The following BACH2 variants were observed in gnomAD, a reference collection of about 807,000 sequenced individuals.
BACH2 encodes the protein BACH transcriptional regulator 2.
Under a neutral mutation model 61.8 loss-of-function variants are expected in BACH2, and 5 were observed. The ratio of observed to expected loss-of-function variants is 0.08; its 90% CI spans 0.04 to 0.17. The LOEUF (loss-of-function observed/expected upper bound fraction) is 0.17, where lower values mean the gene tolerates loss of function less well. BACH2 is among the 10% of genes least tolerant of loss of function. The probability of loss-of-function intolerance (pLI) is 1.00; values close to 1 mark genes in which losing one functional copy is unlikely to be tolerated. For synonymous variants in BACH2, 446 were observed against 440.1 expected (o/e 1.01, Z -0.17); for missense variants, 824 against 1,091.1 (o/e 0.76, Z 3.45).
intron 5 of BACH2, among the ~76,000 whole-genome samples, chr6:90,069,311 A>G (rs1007965764): frequency 2.0e-5 from 3 of 152,226 alleles, no homozygotes; most frequent in African/African-American, 7.2e-5. Flanking sequence ...TCAGTAAAAC[A>G]GTTGAAATTT....
At chr6:89,975,492 C>A (rs1182357768) in intron 6 of BACH2, among the ~76,000 whole-genome samples, 1 of 152,204 alleles carries the variant, frequency 6.6e-6, no homozygotes, top group African/African-American at 2.4e-5. Flanking sequence ...CAGACTCTCA[C>A]ATCTTTGCAA....
chr6:90,118,713 A>G (rs911866085), intron 4 of BACH2, among the ~76,000 whole-genome samples: 5 of 152,194 alleles, frequency 3.3e-5, no homozygotes, highest in Admixed American at 1.3e-4. Flanking sequence ...TATTAAGCCA[A>G]CAGGGTCATT....
intron 5 of BACH2, among the ~76,000 whole-genome samples, chr6:90,010,684 G>T (rs2127781387): frequency 6.6e-6 from 1 of 152,284 alleles, no homozygotes; most frequent in Admixed American, 6.5e-5. Flanking sequence ...TTCTAAAGTG[G>T]CTGTAACATT....
Position 89,932,743 on chromosome 6 carries a change from G to A in BACH2, c.2191C>T (p.Pro731Ser), listed in dbSNP as rs147787294. ...GGCAAGTCCATGGGTCTGAGGACAGGGCAATACCGATGCAGGGCCTGGATC... is the reference window on the plus strand; with the variant it reads ...GGCAAGTCCATGGGTCTGAGGACAGAGCAATACCGATGCAGGGCCTGGATC... ...EQIQALHRYC[P>S]VLRPMDLPTA... is the part of the protein sequence containing the mutation. The change falls in exon 9 of 9, where the codon CCT (proline) becomes TCT (serine). Residue 731 changes from proline (P) to serine (S), a missense_variant. This residue lies in a region of BACH2 where 160 missense variants were observed against 283.5 expected (regional missense o/e 0.56). Transcript: ENST00000257749. 3.1e-6 allele frequency: 5 copies of A among 1,614,044 alleles called. No homozygotes were observed. Among genetic ancestry groups the A allele is most frequent in the Non-Finnish European group, 3.4e-6 (4 of 1,180,014 alleles).
At chr6:90,083,431 G>C (rs1392524016) in intron 5 of BACH2, among the ~76,000 whole-genome samples, 2 of 152,148 alleles carry the variant, frequency 1.3e-5, no homozygotes, top group East Asian at 3.9e-4. Context: ...AGCAGAGAAT[G>C]AAAATTAATT....
At chr6:89,937,301 C>T (rs762002160) in intron 8 of BACH2, among the ~76,000 whole-genome samples, 90 of 152,150 alleles carry the variant, frequency 5.9e-4, no homozygotes, top group Non-Finnish European at 1.2e-3. Context: ...TGCCAGGAGG[C>T]AGGAGAAAGC....
At chr6:90,059,537 C>G (rs1238325453) in intron 5 of BACH2, among the ~76,000 whole-genome samples, 1 of 152,184 alleles carries the variant, frequency 6.6e-6, no homozygotes, top group African/African-American at 2.4e-5. Context: ...GGACTGTAAA[C>G]TAGTTCAACC....
intron 6 of BACH2, among the ~76,000 whole-genome samples, chr6:89,959,301 A>G (rs1774608973): frequency 6.6e-6 from 1 of 152,172 alleles, no homozygotes; most frequent in African/African-American, 2.4e-5. Flanking sequence ...ATTAGTAAAA[A>G]AAGGAAAATC....
intron 4 of BACH2, among the ~76,000 whole-genome samples, chr6:90,147,771 A>T (rs1172034291): frequency 6.6e-6 from 1 of 152,218 alleles, no homozygotes; most frequent in Non-Finnish European, 1.5e-5. Context: ...TCACAAGTGC[A>T]CAGCTTTTCA....
intron 5 of BACH2, among the ~76,000 whole-genome samples, chr6:90,047,102 G>A (rs1779819345): frequency 6.6e-6 from 1 of 152,118 alleles, no homozygotes; most frequent in Non-Finnish European, 1.5e-5. Context: ...GCTAATTTTT[G>A]TATTTTTAGG....
intron 4 of BACH2, among the ~76,000 whole-genome samples, chr6:90,193,412 T>A (rs6919587): frequency 0.11 from 17,291 of 152,128 alleles, 1,143 homozygotes; most frequent in South Asian, 0.17. Context: ...AAAGGTGACC[T>A]TCTACAAGCC....
At chr6:90,136,408 T>C (rs1042100945) in intron 4 of BACH2, among the ~76,000 whole-genome samples, 2 of 152,228 alleles carry the variant, frequency 1.3e-5, no homozygotes, top group East Asian at 1.9e-4. Flanking sequence ...ACAAATCATT[T>C]AAGTTCTTCT....
At chr6:89,943,980 G>GAACC (rs745367179) in intron 7 of BACH2, among the ~76,000 whole-genome samples, 5 of 152,196 alleles carry the variant, frequency 3.3e-5, no homozygotes, top group Non-Finnish European at 7.3e-5. Flanking sequence ...AGTGCTGCTG[G>GAACC]AACCAGGACA....
chr6:90,275,649 C>T (rs1771667269), intron 1 of BACH2, among the ~76,000 whole-genome samples: 1 of 151,908 alleles, frequency 6.6e-6, no homozygotes, highest in Non-Finnish European at 1.5e-5. Flanking sequence ...TCTTCCCCCT[C>T]CTCCCACTCT....
At chr6:89,975,260 A>T (rs1775589842) in intron 6 of BACH2, among the ~76,000 whole-genome samples, 1 of 152,246 alleles carries the variant, frequency 6.6e-6, no homozygotes, top group South Asian at 2.1e-4. Context: ...ACAGGGATAA[A>T]AATGAATATT....
At chr6:90,226,918 C>T (rs1562515463) in intron 3 of BACH2, among the ~76,000 whole-genome samples, 1 of 152,200 alleles carries the variant, frequency 6.6e-6, no homozygotes, top group Non-Finnish European at 1.5e-5. Context: ...ACATCTTGCA[C>T]TCTCAAAAAG....
At position 89,994,426 on chromosome 6, in the gene BACH2, G is replaced by A. The variant is rs556499922; in HGVS notation, c.243+14176C>T. Among the ~76,000 whole-genome samples, 3 of 152,296 alleles carry A rather than the reference G, an allele frequency of 2.0e-5. No homozygotes were observed. In the South Asian group the frequency reaches 6.2e-4, roughly 32 times the overall value. On this transcript the variant is annotated intron_variant, in intron 6 of 8. Transcript: ENST00000257749. ...CGGGGCAAATTTAAATATGGGAAAAGGTCTTCTAACTTTAAATTAGAAGGA... is the reference window on the plus strand; with the variant it reads ...CGGGGCAAATTTAAATATGGGAAAAAGTCTTCTAACTTTAAATTAGAAGGA...
chr6:90,274,858 T>A (rs1476836483), intron 1 of BACH2, among the ~76,000 whole-genome samples: 2 of 152,168 alleles, frequency 1.3e-5, no homozygotes, highest in Non-Finnish European at 2.9e-5. Flanking sequence ...ATCAAATACC[T>A]GGGGCACTGA....
chr6:89,956,274 A>T (rs79821366), intron 6 of BACH2, among the ~76,000 whole-genome samples: 2,527 of 152,292 alleles, frequency 0.017, 58 homozygotes, highest in African/African-American at 0.057. Flanking sequence ...CATTGGGGCC[A>T]GAATACAGTG....
Sources: allele counts gnomAD v4.1 joint callset (sites outside exome capture counted in the v4.1 genomes callset), GRCh38; gene constraint gnomAD v4.1.1; regional missense constraint gnomAD v4.1.1; transcripts MANE v1.5; gene names NCBI Gene and HGNC (gene_info 2026-07-23, HGNC 2026-07-21).